Variants in KCNH4 observed in about 807,000 individuals in gnomAD.
The protein encoded by KCNH4 is voltage-gated delayed rectifier potassium channel KCNH4.
In KCNH4, 33 loss-of-function variants were observed where a neutral mutation model predicts 90.7. The observed-to-expected ratio is 0.36, with a 90% CI of 0.28 to 0.49. The LOEUF (loss-of-function observed/expected upper bound fraction) is 0.49. Ranked by LOEUF, KCNH4 falls within the 20% of genes least tolerant of loss-of-function variation. The pLI is 0.98. For missense variants in KCNH4, 1,044 were observed against 1,387.1 expected (o/e 0.75, Z 3.93); for synonymous variants, 551 against 581.7 (o/e 0.95, Z 0.76).
chr17:42,174,100 G>A (rs1474564047), intron 6 of KCNH4, among the ~76,000 whole-genome samples: 2 of 152,106 alleles, frequency 1.3e-5, no homozygotes, highest in Admixed American at 1.3e-4. Context: ...TGGGACTACA[G>A]GTACGTGCCA....
intron 15 of KCNH4, among the ~76,000 whole-genome samples, chr17:42,161,575 C>T (rs531828729): frequency 6.6e-6 from 1 of 152,382 alleles, no homozygotes; most frequent in Non-Finnish European, 1.5e-5. Flanking sequence ...GCCTCTCAGC[C>T]TCCCTGTCCC....
In KCNH4 at chr17:42,175,729, G is replaced by A; in HGVS notation, c.837C>T (p.Ile279=). Reference sequence around the variant, plus strand: ...ACACATAGGTGGTGCGGAAGTTCAGGATGATATCTGGGGGTGCAAGAGGCT... The same window carrying A: ...ACACATAGGTGGTGCGGAAGTTCAGAATGATATCTGGGGGTGCAAGAGGCT... ...AVEMLFILDI[I]LNFRTTYVSQ... Residue 279 remains isoleucine, a synonymous_variant, in exon 6 of 17, where the codon ATC becomes ATT. Transcript: ENST00000264661. 6.2e-7 allele frequency: 1 copy of A among 1,614,062 alleles called. No individual in the cohort carries two copies. The highest frequency in any genetic ancestry group is 8.5e-7 in the Non-Finnish European group (1 of 1,179,940).
intron 6 of KCNH4, among the ~76,000 whole-genome samples, chr17:42,174,702 A>ACTTGC (rs2079850246): frequency 6.6e-6 from 1 of 152,080 alleles, no homozygotes; most frequent in Non-Finnish European, 1.5e-5. Context: ...ACGGGGTAGC[A>ACTTGC]CTGCCCCACC....
Position 42,181,057 on chromosome 17 carries a change from T to C in KCNH4, c.-112A>G. On this transcript the variant is annotated 5_prime_UTR_variant, in exon 1 of 17. Transcript: ENST00000264661. ...GCGCCCCATGCGCCCTCCTGCCTCCTCCCCTCCCTCTTACTGCCGCTGCCG... is the reference window on the plus strand; with the variant it reads ...GCGCCCCATGCGCCCTCCTGCCTCCCCCCCTCCCTCTTACTGCCGCTGCCG... 1 of 881,026 alleles carries C rather than the reference T, an allele frequency of 1.1e-6. No homozygotes were observed. 54.6% of individuals were successfully genotyped at this position (881,026 alleles called of 1,614,324 possible).
At chr17:42,157,665 T>A (rs2079718528) in intron 16 of KCNH4, among the ~76,000 whole-genome samples, 1 of 152,146 alleles carries the variant, frequency 6.6e-6, no homozygotes, top group Non-Finnish European at 1.5e-5. Flanking sequence ...TGGAGTGCAG[T>A]GGTGTGATCA....
chr17:42,176,015 C>A, intron 5 of KCNH4, 39 bp downstream of exon 5: 1 of 1,562,168 alleles, frequency 6.4e-7, no homozygotes, highest in Non-Finnish European at 8.7e-7. Context: ...TGGATCCCCC[C>A]AGCCGACCCA....
Position 42,170,150 on chromosome 17 carries a change from G to A in KCNH4, c.1347C>T (p.Thr449=), listed in dbSNP as rs752553426. The A allele has an allele frequency of 2.1e-5, 34 of 1,613,086 alleles. No homozygotes were observed. Among genetic ancestry groups the A allele is most frequent in the African/African-American group, 1.2e-4 (9 of 74,870 alleles). ...AGATGGAGAAGATCTTCTCCGCGTC[G>A]GTGTTGGCACACACGTTGCCAAAGC... ...SVGFGNVCAN[T]DAEKIFSICT... The change falls in exon 8 of 17, where the codon ACC becomes ACT. Residue 449 remains threonine (T), a synonymous_variant. Transcript: ENST00000264661.
intron 6 of KCNH4, among the ~76,000 whole-genome samples, chr17:42,172,454 G>C (rs2079833584): frequency 6.6e-6 from 1 of 151,818 alleles, no homozygotes; most frequent in Non-Finnish European, 1.5e-5. Context: ...TTACAAGCGT[G>C]AGCCACTGCA....
chr17:42,176,878 A>T (rs894541763), intron 4 of KCNH4, among the ~76,000 whole-genome samples: 6 of 151,532 alleles, frequency 4.0e-5, no homozygotes, highest in African/African-American at 1.5e-4. Flanking sequence ...GAGGCTTGAC[A>T]TTCACCCAAC....
At chr17:42,179,574 T>C (rs1372220408) in intron 1 of KCNH4, among the ~76,000 whole-genome samples, 1 of 152,250 alleles carries the variant, frequency 6.6e-6, no homozygotes, top group African/African-American at 2.4e-5. Context: ...TTCACTTGGC[T>C]TTCTTCCTAT....
intron 16 of KCNH4, among the ~76,000 whole-genome samples, chr17:42,159,316 C>G (rs985877506): frequency 6.6e-6 from 1 of 152,108 alleles, no homozygotes; most frequent in African/African-American, 2.4e-5. Flanking sequence ...CGTGAGCCAC[C>G]GCACCTGGCC....
intron 8 of KCNH4, 121 bp from the exon 9 acceptor site, chr17:42,169,797 G>A: frequency 1.0e-6 from 1 of 980,248 alleles, no homozygotes; most frequent in South Asian, 1.5e-5. Flanking sequence ...CCAGGTGCCA[G>A]GCACTAGACT....
Position 42,159,965 on chromosome 17 carries a change from G to T in KCNH4, c.*75C>A. 1.6e-6 allele frequency: 2 copies of T among 1,239,840 alleles called. No individual in the cohort carries two copies. Among genetic ancestry groups the T allele is most frequent in the East Asian group, 2.7e-5 (1 of 37,402 alleles). The allele number at this position is 1,239,840 out of a possible 1,614,324, so 76.8% of individuals were successfully genotyped here. A position where few individuals can be genotyped will look rare whatever the true frequency, so the allele number is the denominator to read the frequency against. Reference sequence around the variant, plus strand: ...GTGGCTGCTGACCCCAAGGCAGGAAGCCAAGGGGCCCAGGTCCTCCCTGAG... The same window carrying T: ...GTGGCTGCTGACCCCAAGGCAGGAATCCAAGGGGCCCAGGTCCTCCCTGAG... On this transcript the variant is annotated 3_prime_UTR_variant, in exon 16 of 17. Transcript: ENST00000264661.
intron 6 of KCNH4, among the ~76,000 whole-genome samples, chr17:42,174,514 G>A (rs547574519): frequency 6.6e-6 from 1 of 152,284 alleles, no homozygotes; most frequent in Admixed American, 6.5e-5. Flanking sequence ...ACACATGCAC[G>A]TGTGTGGGAG....
In KCNH4 at chr17:42,173,693, CTTTTTTTTTTTTTTTT is replaced by C. The variant is rs532100884; in HGVS notation, c.988-1714_988-1699del. Among the ~76,000 whole-genome samples the C allele has an allele frequency of 1.5e-4, 10 of 66,268 alleles. No individual in the cohort carries two copies. The South Asian group carries it at 2.5e-3, about 17-fold the overall frequency. 43.5% of individuals were successfully genotyped at this position (66,268 alleles called of 152,430 possible). On this transcript the variant is annotated intron_variant, in intron 6 of 16. Coordinates refer to ENST00000264661, the MANE Select transcript of KCNH4 (RefSeq NM_012285.3). ...AGACTGGAAGTTTAGCGATCTGGTTCTTTTTTTTTTTTTTTTTTTTTTTTTTTTTGAGACAGAGTCC... is the reference window on the plus strand; with the variant it reads ...AGACTGGAAGTTTAGCGATCTGGTTCTTTTTTTTTTTTTGAGACAGAGTCC...
In KCNH4 at chr17:42,160,043, G is replaced by A; in HGVS notation, c.3051C>T (p.His1017=). ...AGGCCTGGGCCCTGGGCCAGGGTCA[G>A]TGGAACGTGTCTGACCTGGACTGGA... ...HSFQSRSDTF[H] The change falls in exon 16 of 17, where the codon CAC becomes CAT. Residue 1017 remains histidine, a synonymous_variant. Transcript: ENST00000264661. 1 of 1,519,060 alleles carries A rather than the reference G, an allele frequency of 6.6e-7. No homozygotes were observed. Among genetic ancestry groups the A allele is most frequent in the Non-Finnish European group, 8.8e-7 (1 of 1,131,938 alleles). 94.1% of individuals were successfully genotyped at this position (1,519,060 alleles called of 1,614,324 possible).
chr17:42,177,634 C>G (rs896621460), intron 4 of KCNH4, among the ~76,000 whole-genome samples: 10 of 152,178 alleles, frequency 6.6e-5, no homozygotes, highest in African/African-American at 1.9e-4. Flanking sequence ...CAGCAGGGAG[C>G]AGAGGCTGGC....
At position 42,179,010 on chromosome 17, in the gene KCNH4, C is replaced by T. The variant is rs1437008447; in HGVS notation, c.93G>A (p.Leu31=). 4 of 1,613,122 alleles carry T rather than the reference C, an allele frequency of 2.5e-6. No homozygotes were observed. In the Admixed American group the frequency reaches 5.0e-5, roughly 20 times the overall value. Residue 31 remains leucine, a synonymous_variant, in exon 2 of 17, where the codon CTG becomes CTA. Transcript: ENST00000264661. ...AGCCCCGTGTGCCCTGTGCGTTGGC[C>T]AGCAGGAAGTTGCTGTCTGTGGGAA... is the stretch of plus-strand genomic sequence containing the variant. ...RFDGTHSNFL[L]ANAQGTRGFP...
intron 4 of KCNH4, among the ~76,000 whole-genome samples, chr17:42,176,611 C>T (rs2144140785): frequency 6.7e-6 from 1 of 148,278 alleles, no homozygotes; most frequent in South Asian, 2.1e-4. Context: ...CAACCTCCAC[C>T]TCCTGGGTTC....
Sources: gnomAD v4.1 joint callset for allele counts (sites outside exome capture counted in the v4.1 genomes callset) on GRCh38, gnomAD v4.1.1 for gene constraint, MANE v1.5 for transcripts, NCBI Gene and HGNC (gene_info 2026-07-23, HGNC 2026-07-21) for gene names.